RP1: variants seen among roughly 807,000 people sequenced by gnomAD.
RP1 encodes the protein RP1 axonemal microtubule associated, also known as oxygen-regulated protein 1.
In RP1, 16 loss-of-function variants were observed where a neutral mutation model predicts 14.8. The ratio of observed to expected loss-of-function variants is 1.08; its 90% CI spans 0.73 to 1.65. The LOEUF (loss-of-function observed/expected upper bound fraction) is 1.65, where lower values mean the gene tolerates loss of function less well. Among genes scored for constraint, RP1 ranks in the 40% most tolerant of loss-of-function variants. RP1 has a pLI of 0.00. For synonymous variants in RP1, 876 were observed against 883.6 expected (o/e 0.99, Z 0.15); for missense variants, 2,631 against 2,535.0 (o/e 1.04, Z -0.81).
chr8:54,801,128 T>C (rs1270556294), intron 24 of RP1, among the ~76,000 whole-genome samples: 1 of 152,204 alleles, frequency 6.6e-6, no homozygotes, highest in East Asian at 1.9e-4. Context: ...TAACACCTTA[T>C]GTTTAGGATA....
chr8:54,649,205 T>C, intron 4 of RP1: 1 of 1,300,548 alleles, frequency 7.7e-7, no homozygotes, highest in Non-Finnish European at 1.0e-6. Flanking sequence ...TAGTAGGTAC[T>C]TTGGAATGAA....
intron 15 of RP1, among the ~76,000 whole-genome samples, chr8:54,718,486 A>G (rs190933534): frequency 6.6e-6 from 1 of 152,328 alleles, no homozygotes; most frequent in Non-Finnish European, 1.5e-5. Context: ...TTTTCAACAA[A>G]TGGTACTGGA....
intron 13 of RP1, among the ~76,000 whole-genome samples, chr8:54,700,796 G>T (rs552458237): frequency 6.6e-6 from 1 of 152,076 alleles, no homozygotes; most frequent in African/African-American, 2.4e-5. Flanking sequence ...CAGAATATCT[G>T]GTGACAGCTG....
rs1333968200 is a variant in RP1, at chr8:54,621,478, T to G, written c.512T>G (p.Leu171Arg). 6.2e-7 allele frequency: 1 copy of G among 1,614,112 alleles called. No homozygotes were observed. Among genetic ancestry groups the G allele is most frequent in the South Asian group, 1.1e-5 (1 of 91,080 alleles). ...NGDPKTRRAV[L>R]LSRRVTQSFE... ...GACCCGAAGACGAGGCGTGCGGTTCTTCTGAGCAGGAGGGTCACCCAGAGC... is the reference window on the plus strand; with the variant it reads ...GACCCGAAGACGAGGCGTGCGGTTCGTCTGAGCAGGAGGGTCACCCAGAGC... The change falls in exon 2 of 4, where the codon CTT becomes CGT. Residue 171 changes from leucine to arginine, a missense_variant. Physicochemically the swap from Leu to Arg is moderately radical, Grantham distance 102. Transcript: ENST00000220676.
intron 24 of RP1, among the ~76,000 whole-genome samples, chr8:54,800,834 G>C (rs1247249101): frequency 6.6e-6 from 1 of 152,108 alleles, no homozygotes; most frequent in Non-Finnish European, 1.5e-5. Flanking sequence ...TTTAACATTT[G>C]TGTCATATCT....
intron 12 of RP1, among the ~76,000 whole-genome samples, chr8:54,693,972 T>A (rs932541308): frequency 6.6e-6 from 1 of 152,142 alleles, no homozygotes; most frequent in African/African-American, 2.4e-5. Flanking sequence ...AGATAGCTCT[T>A]ATTATTTTGA....
At chr8:54,786,325 G>A (rs1280393797) in intron 24 of RP1, among the ~76,000 whole-genome samples, 1 of 152,052 alleles carries the variant, frequency 6.6e-6, no homozygotes, top group East Asian at 1.9e-4. Flanking sequence ...CTGATGAGAA[G>A]TCAGAAGTTA....
At chr8:54,719,050 C>A (rs1191807986) in intron 15 of RP1, among the ~76,000 whole-genome samples, 1 of 152,112 alleles carries the variant, frequency 6.6e-6, no homozygotes, top group East Asian at 1.9e-4. Context: ...TGGTAAGGCC[C>A]AAACTTCCTA....
downstream of RP1, chr8:54,769,981 ATGT>A (rs1403257668): frequency 6.2e-5 from 33 of 536,324 alleles, no homozygotes; most frequent in Admixed American, 7.3e-4. Context: ...TGTCTTAGAA[ATGT>A]TGTGTGCCCT....
chr8:54,800,406 T>G (rs1585703461), intron 24 of RP1, among the ~76,000 whole-genome samples: 1 of 152,134 alleles, frequency 6.6e-6, no homozygotes, highest in Non-Finnish European at 1.5e-5. Context: ...TTTCTGTATC[T>G]AATTTTGAAA....
chr8:54,791,786 T>C (rs2129384797), intron 24 of RP1, among the ~76,000 whole-genome samples: 1 of 151,950 alleles, frequency 6.6e-6, no homozygotes, highest in East Asian at 1.9e-4. Context: ...AAGAAGACAA[T>C]AAGCAAGGAA....
intron 1 of RP1, among the ~76,000 whole-genome samples, chr8:54,583,146 T>C (rs1804836808): frequency 6.6e-6 from 1 of 152,236 alleles, no homozygotes; most frequent in Admixed American, 6.5e-5. Flanking sequence ...TTGTCATAGA[T>C]AGCTCTTATT....
At chr8:54,607,446 C>T (rs897334322) in intron 1 of RP1, among the ~76,000 whole-genome samples, 1 of 152,200 alleles carries the variant, frequency 6.6e-6, no homozygotes, top group Non-Finnish European at 1.5e-5. Context: ...AGGTGTCAGT[C>T]TGCCCCTACT....
At chr8:54,723,506 G>T (rs1276777899) in intron 16 of RP1, among the ~76,000 whole-genome samples, 2 of 152,090 alleles carry the variant, frequency 1.3e-5, no homozygotes, top group African/African-American at 4.8e-5. Flanking sequence ...GCTAGCTTGT[G>T]CAGTAAAACC....
chr8:54,592,365 C>T (rs1186392061), intron 1 of RP1, among the ~76,000 whole-genome samples: 5 of 152,132 alleles, frequency 3.3e-5, no homozygotes, highest in African/African-American at 1.2e-4. Context: ...GTTGGTATCA[C>T]CTTATTTGCT....
At chr8:54,564,480 G>A (rs927652302) in intron 1 of RP1, among the ~76,000 whole-genome samples, 1 of 152,176 alleles carries the variant, frequency 6.6e-6, no homozygotes, top group African/African-American at 2.4e-5. Flanking sequence ...ACAATAAAAG[G>A]TGTTCAGTAA....
chr8:54,685,179 G>T (rs970224543), intron 12 of RP1, among the ~76,000 whole-genome samples: 1 of 152,034 alleles, frequency 6.6e-6, no homozygotes, highest in Non-Finnish European at 1.5e-5. Context: ...TCTGATATTT[G>T]TTATTTCTTG....
At chr8:54,851,638 C>T (rs567575726) in intron 25 of RP1, among the ~76,000 whole-genome samples, 1 of 152,198 alleles carries the variant, frequency 6.6e-6, no homozygotes, top group Non-Finnish European at 1.5e-5. Flanking sequence ...TCTGCTTACA[C>T]TCAGCTGGGT....
At chr8:54,659,827 C>A (rs1029805618) in intron 6 of RP1, among the ~76,000 whole-genome samples, 2 of 152,110 alleles carry the variant, frequency 1.3e-5, no homozygotes, top group Non-Finnish European at 2.9e-5. Context: ...GACATTTTAA[C>A]AATATTAAGT....
Sources: allele counts gnomAD v4.1 joint callset (sites outside exome capture counted in the v4.1 genomes callset), GRCh38; gene constraint gnomAD v4.1.1; transcripts MANE v1.5; gene names NCBI Gene and HGNC (gene_info 2026-07-23, HGNC 2026-07-21).